The following PEG3 variants were observed in gnomAD, a reference collection of about 807,000 sequenced individuals.
PEG3 encodes paternally expressed 3, also known as paternally-expressed gene 3 protein.
Under a neutral mutation model 35.5 loss-of-function variants are expected in PEG3, and 23 were observed. That is an observed-to-expected ratio of 0.65 (90% CI 0.47 to 0.92). PEG3 has a LOEUF of 0.92. PEG3 is among the 40% of genes least tolerant of loss of function. The pLI is 0.00. For missense variants in PEG3, 1,960 were observed against 1,985.3 expected (o/e 0.99, Z 0.24); for synonymous variants, 707 against 697.0 (o/e 1.01, Z -0.23).
intron 2 of PEG3, among the ~76,000 whole-genome samples, chr19:56,828,338 C>A (rs185474519): frequency 2.4e-4 from 36 of 152,282 alleles, no homozygotes; most frequent in African/African-American, 8.4e-4. Context: ...TCTGAATATA[C>A]CCCTCAATTA....
intron 2 of PEG3, among the ~76,000 whole-genome samples, chr19:56,835,465 A>G (rs1195544087): frequency 6.6e-6 from 1 of 152,068 alleles, no homozygotes; most frequent in Non-Finnish European, 1.5e-5. Context: ...TCCCCATGAC[A>G]CACACCATTC....
intron 7 of PEG3, 89 bp from the exon 8 acceptor site, chr19:56,818,791 T>C (rs1484259006): frequency 2.8e-6 from 4 of 1,421,316 alleles, no homozygotes; most frequent in Non-Finnish European, 4.0e-6. Flanking sequence ...GAGTTACATA[T>C]ATGAAGTTAT....
At position 56,816,521 on chromosome 19, in the gene PEG3, A is replaced by G; in HGVS notation, c.1921T>C (p.Ser641Pro). 1 of 1,613,426 alleles carries G rather than the reference A, an allele frequency of 6.2e-7. No individual in the cohort carries two copies. Among genetic ancestry groups the G allele is most frequent in the Non-Finnish European group, 8.5e-7 (1 of 1,179,578 alleles). The change falls in exon 10 of 10, where the codon TCC (serine) becomes CCC (proline). Residue 641 changes from serine (S) to proline (P), a missense_variant. Transcript: ENST00000326441. ...VCGETFLHSS[S>P]LKEHQKIHTR... ...TGGATTTTCTGATGTTCTTTCAGGG[A>G]TGAGCTATGAAGGAAAGTCTCCCCA...
intron 4 of PEG3, among the ~76,000 whole-genome samples, chr19:56,824,004 T>C (rs2060771758): frequency 6.6e-6 from 1 of 152,102 alleles, no homozygotes; most frequent in Non-Finnish European, 1.5e-5. Flanking sequence ...CCTTTCCCTC[T>C]CCTGACTCAG....
At chr19:56,819,605 T>C (rs575690032) in intron 7 of PEG3, among the ~76,000 whole-genome samples, 2 of 152,234 alleles carry the variant, frequency 1.3e-5, no homozygotes, top group East Asian at 3.9e-4. Flanking sequence ...CAAAGAAGGA[T>C]TGCACCAATT....
intron 6 of PEG3, among the ~76,000 whole-genome samples, chr19:56,822,177 T>C (rs951038800): frequency 1.3e-5 from 2 of 152,206 alleles, no homozygotes; most frequent in African/African-American, 4.8e-5. Flanking sequence ...TAAATGTCAC[T>C]CACTCCTGAT....
chr19:56,833,971 T>C (rs1397057412), intron 2 of PEG3, among the ~76,000 whole-genome samples: 3 of 152,158 alleles, frequency 2.0e-5, no homozygotes, highest in Non-Finnish European at 4.4e-5. Context: ...AAAATCTCCT[T>C]GTTGTTGTCC....
At chr19:56,830,902 G>T (rs2146520267) in intron 2 of PEG3, among the ~76,000 whole-genome samples, 1 of 151,810 alleles carries the variant, frequency 6.6e-6, no homozygotes, top group African/African-American at 2.4e-5. Context: ...ATTCCAGCCT[G>T]GGTGACAGAA....
rs112505139 is a variant in PEG3 at position 56,832,940 on chromosome 19, A to G, written c.-163+3078T>C. On this transcript the variant is annotated intron_variant, in intron 2 of 9. Transcript: ENST00000326441. ...TTACTTCTATTCCATTAAAATGAGT[A>G]GGAAATAAAAGCATGGCTCTTACAA... Among the ~76,000 whole-genome samples the G allele has an allele frequency of 2.7e-3, 411 of 152,354 alleles. 2 individuals carry two copies. Among genetic ancestry groups the G allele is most frequent in the Non-Finnish European group, 4.5e-3 (307 of 68,032 alleles).
In PEG3 at chr19:56,840,305, G is replaced by A. The variant is rs575302930; in HGVS notation, c.-250+277C>T. 7.6e-4 allele frequency among the ~76,000 whole-genome samples: 116 copies of A among 152,282 alleles called. 1 individual carries two copies. The highest frequency in any genetic ancestry group is 2.6e-3 in the African/African-American group (107 of 41,578). On this transcript the variant is annotated intron_variant, in intron 1 of 9. Transcript: ENST00000326441. Reference sequence around the variant, plus strand: ...CCCTGCAGCAGCCCCTCAGACCCCGGACTGCAAGATGGCGGCACCAACGCA... The same window carrying A: ...CCCTGCAGCAGCCCCTCAGACCCCGAACTGCAAGATGGCGGCACCAACGCA...
At chr19:56,823,185 A>C (rs2060668679) in intron 5 of PEG3, among the ~76,000 whole-genome samples, 1 of 152,136 alleles carries the variant, frequency 6.6e-6, no homozygotes, top group Non-Finnish European at 1.5e-5. Flanking sequence ...CTGGCAGCCG[A>C]TCTTAAAGTA....
chr19:56,817,930 A>T, intron 8 of PEG3, 95 bp from the exon 9 acceptor site: 1 of 948,660 alleles, frequency 1.1e-6, no homozygotes, highest in Non-Finnish European at 1.6e-6. Flanking sequence ...TGAGCCACTA[A>T]ATATGAGGTG....
chr19:56,817,881 A>T (rs752105552), intron 8 of PEG3, 46 bp from the exon 9 acceptor site: 9 of 1,447,558 alleles, frequency 6.2e-6, no homozygotes, highest in Non-Finnish European at 8.7e-6. Flanking sequence ...CAAGTTGAGG[A>T]CCAAGACTCA....
rs886726086 is a variant in PEG3 at position 56,810,294 on chromosome 19, G to A, written c.*3381C>T. 50 of 972,018 alleles carry A rather than the reference G, an allele frequency of 5.1e-5. No homozygotes were observed. Among genetic ancestry groups the A allele is most frequent in the Non-Finnish European group, 6.1e-5 (50 of 817,952 alleles). The allele number at this position is 972,018 out of a possible 1,614,324, so 60.2% of individuals were successfully genotyped here. ...ATAATGAACACATTTCATATATAAT[G>A]GAAATATATGTAGTAAAGGTGGACT... On this transcript the variant is annotated 3_prime_UTR_variant, in exon 10 of 10. Transcript: ENST00000326441.
chr19:56,812,170 A>G lies in PEG3; in HGVS notation c.*1505T>C. 1 of 978,568 alleles carries G rather than the reference A, an allele frequency of 1.0e-6. No individual in the cohort carries two copies. Among genetic ancestry groups the G allele is most frequent in the South Asian group, 4.7e-5 (1 of 21,142 alleles). The allele number at this position is 978,568 out of a possible 1,614,324, so 60.6% of individuals were successfully genotyped here. On this transcript the variant is annotated 3_prime_UTR_variant, in exon 10 of 10. Transcript: ENST00000326441. ...TTTTTCCAGCCAACTCAAGGCCAAA[A>G]AAAATTTCTTAATATAGTTATTATG...
At chr19:56,832,159 C>A (rs759489873) in intron 2 of PEG3, among the ~76,000 whole-genome samples, 1 of 152,160 alleles carries the variant, frequency 6.6e-6, no homozygotes, top group Non-Finnish European at 1.5e-5. Context: ...ATTTTAACTT[C>A]GCAATCAGGA....
chr19:56,815,937 G>C lies in PEG3; in HGVS notation c.2505C>G (p.Ile835Met). The change falls in exon 10 of 10, where the codon ATC becomes ATG. Residue 835 changes from isoleucine to methionine, a missense_variant. Around this residue, in one of 5 missense-constraint regions of PEG3, gnomAD observed 798 missense variants for 782.4 expected, o/e 1.02. Transcript: ENST00000326441. ...SEGREYSRSVIHSLVASKPPR... is the reference protein window; with the variant it reads ...SEGREYSRSVMHSLVASKPPR... ...GAGGTTTGGAAGCCACTAAGCTATG[G>C]ATAACAGACCTACTGTATTCCCTTC... The C allele has an allele frequency of 3.7e-6, 6 of 1,604,410 alleles. No individual in the cohort carries two copies. Among genetic ancestry groups the C allele is most frequent in the Non-Finnish European group, 5.1e-6 (6 of 1,175,568 alleles).
At chr19:56,823,544 T>A (rs1244053344) in intron 5 of PEG3, 49 bp downstream of exon 5, 2 of 1,611,832 alleles carry the variant, frequency 1.2e-6, no homozygotes, top group African/African-American at 2.7e-5. Flanking sequence ...TCTGGAAGCA[T>A]CTGGCAGCGC....
chr19:56,823,761 CCT>C (rs1179260525), intron 4 of PEG3, 82 bp from the exon 5 acceptor site: 2 of 1,483,964 alleles, frequency 1.3e-6, no homozygotes, highest in Non-Finnish European at 1.9e-6. Context: ...GCCGCATCTC[CCT>C]GTCACAGACA....
Sources: allele counts gnomAD v4.1 joint callset (sites outside exome capture counted in the v4.1 genomes callset), GRCh38; gene constraint gnomAD v4.1.1; regional missense constraint gnomAD v4.1.1; transcripts MANE v1.5; gene names NCBI Gene and HGNC (gene_info 2026-07-23, HGNC 2026-07-21).